The following CLYBL variants were observed in gnomAD, a reference collection of about 807,000 sequenced individuals.
CLYBL encodes citramalyl-CoA lyase, mitochondrial.
A neutral mutation model predicts 38.9 loss-of-function variants in CLYBL; 31 were observed. The ratio of observed to expected loss-of-function variants is 0.80; its 90% CI spans 0.60 to 1.08. The LOEUF (loss-of-function observed/expected upper bound fraction) is 1.08. CLYBL is among the 50% of genes least tolerant of loss of function. The pLI is 0.00. For missense variants in CLYBL, 434 were observed against 411.6 expected (o/e 1.05, Z -0.47); for synonymous variants, 171 against 158.6 (o/e 1.08, Z -0.59).
chr13:99,664,165 G>T (rs2047447279), intron 1 of CLYBL, among the ~76,000 whole-genome samples: 1 of 152,244 alleles, frequency 6.6e-6, no homozygotes. Flanking sequence ...GGAGCTTGAT[G>T]TCTCTTCGGC....
chr13:99,607,075 G>T (rs938719959), intron 1 of CLYBL, among the ~76,000 whole-genome samples: 1 of 152,222 alleles, frequency 6.6e-6, no homozygotes, highest in African/African-American at 2.4e-5. Flanking sequence ...TTGAGAGGCG[G>T]CTTGCCTGGT....
At chr13:99,886,704 C>T (rs74113456) in intron 7 of CLYBL, among the ~76,000 whole-genome samples, 3,498 of 152,354 alleles carry the variant, frequency 0.023, 126 homozygotes, top group African/African-American at 0.078. Flanking sequence ...TCTGTGTGAG[C>T]AGTGCAGTCT....
chr13:99,784,598 G>T (rs1269122440), intron 2 of CLYBL, among the ~76,000 whole-genome samples: 1 of 151,574 alleles, frequency 6.6e-6, no homozygotes, highest in East Asian at 1.9e-4. Flanking sequence ...AGGATTACAG[G>T]TGCCCACCAC....
At chr13:99,705,814 G>A (rs190882257) in intron 1 of CLYBL, among the ~76,000 whole-genome samples, 7 of 152,132 alleles carry the variant, frequency 4.6e-5, no homozygotes, top group African/African-American at 1.7e-4. Flanking sequence ...TGATGGAAAA[G>A]TTCTAGAGAT....
chr13:99,823,429 T>C (rs2050625028), intron 2 of CLYBL, among the ~76,000 whole-genome samples: 1 of 152,198 alleles, frequency 6.6e-6, no homozygotes. Context: ...ACACAAGATA[T>C]TTTCATTACC....
chr13:99,624,969 C>T (rs1163672536), intron 1 of CLYBL, among the ~76,000 whole-genome samples: 2 of 152,224 alleles, frequency 1.3e-5, no homozygotes, highest in Non-Finnish European at 2.9e-5. Flanking sequence ...CCCCCACCTT[C>T]ACCTCAGACA....
intron 2 of CLYBL, among the ~76,000 whole-genome samples, chr13:99,796,471 C>T (rs897025597): frequency 1.3e-5 from 2 of 152,152 alleles, no homozygotes; most frequent in South Asian, 4.1e-4. Flanking sequence ...TGTGCTAGCA[C>T]TATTTCTAAG....
At chr13:99,796,447 G>C (rs2050024250) in intron 2 of CLYBL, among the ~76,000 whole-genome samples, 1 of 152,200 alleles carries the variant, frequency 6.6e-6, no homozygotes, top group Non-Finnish European at 1.5e-5. Flanking sequence ...AGAACATTTA[G>C]GGAGTACTTC....
At chr13:99,789,447 C>T (rs530374103) in intron 2 of CLYBL, among the ~76,000 whole-genome samples, 184 of 152,264 alleles carry the variant, frequency 1.2e-3, no homozygotes, top group Non-Finnish European at 2.0e-3. Context: ...GCCTTCATTT[C>T]GTTATGTACC....
intron 1 of CLYBL, among the ~76,000 whole-genome samples, chr13:99,716,547 G>A (rs2048318345): frequency 6.7e-6 from 1 of 149,250 alleles, no homozygotes; most frequent in South Asian, 2.1e-4. Context: ...CCATGCCTGG[G>A]TAATTTTTAT....
chr13:99,676,756 G>A (rs757221973), intron 1 of CLYBL, among the ~76,000 whole-genome samples: 20 of 151,854 alleles, frequency 1.3e-4, no homozygotes, highest in Non-Finnish European at 2.8e-4. Flanking sequence ...ACCACTGGGT[G>A]AAAAATGCCC....
intron 2 of CLYBL, among the ~76,000 whole-genome samples, chr13:99,825,154 G>A (rs2050670540): frequency 1.3e-5 from 2 of 152,182 alleles, no homozygotes; most frequent in African/African-American, 4.8e-5. Flanking sequence ...GGTAAGGCTG[G>A]AGAGGCTGAG....
chr13:99,782,516 A>G (rs75082276), intron 2 of CLYBL, among the ~76,000 whole-genome samples: 11 of 152,080 alleles, frequency 7.2e-5, no homozygotes, highest in African/African-American at 1.9e-4. Flanking sequence ...GGGGGAAAAA[A>G]GTTTATAATA....
At chr13:99,777,457 C>A (rs2138818459) in intron 2 of CLYBL, among the ~76,000 whole-genome samples, 1 of 151,732 alleles carries the variant, frequency 6.6e-6, no homozygotes, top group African/African-American at 2.4e-5. Context: ...TACAAAAATG[C>A]TGTACTGAGA....
chr13:99,630,182 A>G (rs1472939176), intron 1 of CLYBL, among the ~76,000 whole-genome samples: 2 of 152,218 alleles, frequency 1.3e-5, no homozygotes, highest in Non-Finnish European at 1.5e-5. Flanking sequence ...TTTCAGAAGC[A>G]GCTTGGAGCA....
chr13:99,833,029 T>TATATATATA (rs2139084282), intron 2 of CLYBL, among the ~76,000 whole-genome samples: 1 of 39,096 alleles, frequency 2.6e-5, no homozygotes, highest in South Asian at 7.8e-4. Context: ...TATATATATA[T>TATATATATA]ATTTTTTTTT....
At chr13:99,781,878 G>A (rs1266014021) in intron 2 of CLYBL, among the ~76,000 whole-genome samples, 1 of 152,150 alleles carries the variant, frequency 6.6e-6, no homozygotes, top group African/African-American at 2.4e-5. Context: ...TACTAAGCAC[G>A]CTTAACAATG....
chr13:99,769,902 C>T (rs1236119470), intron 1 of CLYBL, among the ~76,000 whole-genome samples: 1 of 152,090 alleles, frequency 6.6e-6, no homozygotes, highest in Non-Finnish European at 1.5e-5. Context: ...CACAAGCACA[C>T]TAATCATGGT....
At chr13:99,746,719 A>G (rs1179862128) in intron 1 of CLYBL, among the ~76,000 whole-genome samples, 1 of 152,210 alleles carries the variant, frequency 6.6e-6, no homozygotes, top group Admixed American at 6.5e-5. Flanking sequence ...TGTTTTAATT[A>G]CAATTTACCA....
Sources: gnomAD v4.1 joint callset for allele counts (sites outside exome capture counted in the v4.1 genomes callset) on GRCh38, gnomAD v4.1.1 for gene constraint, MANE v1.5 for transcripts, NCBI Gene and HGNC (gene_info 2026-07-23, HGNC 2026-07-21) for gene names.